Variants in UBE3D observed in about 807,000 individuals in gnomAD.
UBE3D encodes E3 ubiquitin-protein ligase E3D.
In UBE3D, 48 loss-of-function variants were observed where a neutral mutation model predicts 49.6. The ratio of observed to expected loss-of-function variants is 0.97; its 90% CI spans 0.77 to 1.23. The LOEUF (loss-of-function observed/expected upper bound fraction) is 1.23. Among genes scored for constraint, UBE3D ranks in the 50% most tolerant of loss-of-function variants. UBE3D has a pLI of 0.00. For missense variants in UBE3D, 452 were observed against 468.4 expected, an observed-to-expected ratio of 0.96 and a Z score of 0.32; for synonymous variants, 189 against 174.2, an observed-to-expected ratio of 1.08 and a Z score of -0.67.
intron 8 of UBE3D, among the ~76,000 whole-genome samples, chr6:82,978,318 G>A (rs533156771): frequency 2.0e-5 from 3 of 152,238 alleles, no homozygotes; most frequent in African/African-American, 7.2e-5. Flanking sequence ...TGGCTTTGCT[G>A]TCACTATTCT....
the UBE3D span, among the ~76,000 whole-genome samples, chr6:82,884,750 T>C: frequency 6.6e-6 from 1 of 152,170 alleles, no homozygotes; most frequent in Non-Finnish European, 1.5e-5. Context: ...CACAGCATAA[T>C]TCTGAGAAGG....
intron 9 of UBE3D, among the ~76,000 whole-genome samples, chr6:82,921,210 T>A (rs1394062146): frequency 6.6e-6 from 1 of 152,146 alleles, no homozygotes; most frequent in Non-Finnish European, 1.5e-5. Context: ...CATCTTGGCC[T>A]CCCAAAGCGC....
intron 8 of UBE3D, among the ~76,000 whole-genome samples, chr6:82,995,647 G>A (rs1779190721): frequency 6.6e-6 from 1 of 152,134 alleles, no homozygotes; most frequent in African/African-American, 2.4e-5. Context: ...TAAAAAAGGT[G>A]CAATTTTATC....
chr6:83,038,259 T>C (rs1782409533), intron 5 of UBE3D, 157 bp downstream of exon 5: 1 of 580,918 alleles, frequency 1.7e-6, no homozygotes, highest in Non-Finnish European at 3.0e-6. Context: ...AACTTCTTGG[T>C]ATATTGGATG....
At chr6:82,933,325 G>A (rs1307193253) in intron 9 of UBE3D, among the ~76,000 whole-genome samples, 5 of 152,166 alleles carry the variant, frequency 3.3e-5, no homozygotes, top group East Asian at 1.9e-4. Flanking sequence ...TAAGAAAAAC[G>A]GAATAATCCA....
chr6:82,983,498 GTTAGTCAATACT>G (rs958279718), intron 8 of UBE3D, among the ~76,000 whole-genome samples: 20 of 152,098 alleles, frequency 1.3e-4, no homozygotes, highest in Admixed American at 2.6e-4. Flanking sequence ...CTGCCACTGG[GTTAGTCAATACT>G]TTTAGGCTTT....
chr6:83,030,715 G>A (rs1781804520), intron 5 of UBE3D, among the ~76,000 whole-genome samples: 1 of 152,158 alleles, frequency 6.6e-6, no homozygotes, highest in Non-Finnish European at 1.5e-5. Flanking sequence ...GAAAATGTGG[G>A]AAAGTTTGAA....
At chr6:82,893,163 A>G in intron 9 of UBE3D, 121 bp from the exon 10 acceptor site, 1 of 1,145,330 alleles carries the variant, frequency 8.7e-7, no homozygotes, top group African/African-American at 1.5e-5. Flanking sequence ...GTTTAAACAG[A>G]AAAATGACTC....
intron 8 of UBE3D, among the ~76,000 whole-genome samples, chr6:82,969,158 G>A (rs1777160008): frequency 7.7e-6 from 1 of 130,646 alleles, no homozygotes; most frequent in Admixed American, 9.3e-5. Flanking sequence ...TTAACAACAA[G>A]AGTTAAGAAA....
chr6:82,918,181 T>C (rs966940328), intron 9 of UBE3D, among the ~76,000 whole-genome samples: 2 of 151,978 alleles, frequency 1.3e-5, no homozygotes, highest in African/African-American at 4.8e-5. Flanking sequence ...TTTTTGGGAA[T>C]AGTTGTATAT....
chr6:82,912,015 T>C (rs1772563586), intron 9 of UBE3D, among the ~76,000 whole-genome samples: 1 of 151,438 alleles, frequency 6.6e-6, no homozygotes, highest in African/African-American at 2.4e-5. Flanking sequence ...GAAACCAGGC[T>C]TCTCTCCTAA....
intron 8 of UBE3D, among the ~76,000 whole-genome samples, chr6:83,004,157 T>C (rs1299523764): frequency 1.3e-5 from 2 of 152,194 alleles, no homozygotes; most frequent in Non-Finnish European, 2.9e-5. Flanking sequence ...CTGCTACTGA[T>C]GTTACAGATT....
Position 83,065,762 on chromosome 6 carries a change from G to A in UBE3D, c.-44C>T, listed in dbSNP as rs766171018. The A allele has an allele frequency of 2.9e-5, 45 of 1,571,246 alleles. No homozygotes were observed. The African/African-American group carries it at 4.5e-4, about 16-fold the overall frequency. Reference sequence around the variant, plus strand: ...GACCGGACCAAGCTGGAGGTTCCGAGGGGCCCGGGTCAACAGGACCAGGAG... The same window carrying A: ...GACCGGACCAAGCTGGAGGTTCCGAAGGGCCCGGGTCAACAGGACCAGGAG... On this transcript the variant is annotated 5_prime_UTR_variant, in exon 1 of 10. Coordinates refer to ENST00000369747, the MANE Select transcript of UBE3D (RefSeq NM_198920.3).
intron 8 of UBE3D, among the ~76,000 whole-genome samples, chr6:82,975,506 C>T (rs1408678167): frequency 1.3e-5 from 2 of 152,018 alleles, no homozygotes; most frequent in Non-Finnish European, 2.9e-5. Context: ...TTGCCTTCTT[C>T]AATTTTTTCT....
intron 9 of UBE3D, among the ~76,000 whole-genome samples, chr6:82,956,298 G>A (rs893278061): frequency 2.0e-5 from 3 of 152,144 alleles, no homozygotes; most frequent in Non-Finnish European, 4.4e-5. Flanking sequence ...GTCAAGAGTC[G>A]CAGATATGTG....
intron 5 of UBE3D, among the ~76,000 whole-genome samples, chr6:83,031,702 C>T (rs1246223886): frequency 6.6e-6 from 1 of 152,202 alleles, no homozygotes; most frequent in Admixed American, 6.5e-5. Context: ...GACTTCAGGG[C>T]AGGTCAGAGA....
At chr6:82,927,289 A>G (rs1773828053) in intron 9 of UBE3D, among the ~76,000 whole-genome samples, 1 of 150,966 alleles carries the variant, frequency 6.6e-6, no homozygotes, top group South Asian at 2.1e-4. Flanking sequence ...AAAGTAGGGT[A>G]GTGTCAGTCC....
intron 4 of UBE3D, among the ~76,000 whole-genome samples, chr6:83,041,450 C>T (rs1782663797): frequency 6.6e-6 from 1 of 152,064 alleles, no homozygotes; most frequent in Non-Finnish European, 1.5e-5. Context: ...CTGTATATGG[C>T]CTGGTAGTAT....
chr6:82,932,594 T>C (rs293509), intron 9 of UBE3D: 102,316 of 152,038 alleles, frequency 0.67, 34,927 homozygotes, highest in East Asian at 0.79. Context: ...TCTTGGTCTG[T>C]TTTGCCCTCC....
Sources: allele counts gnomAD v4.1 joint callset (sites outside exome capture counted in the v4.1 genomes callset), GRCh38; gene constraint gnomAD v4.1.1; transcripts MANE v1.5; gene names NCBI Gene and HGNC (gene_info 2026-07-23, HGNC 2026-07-21).